Variants in ARMH3 observed in about 807,000 individuals in gnomAD.
ARMH3 encodes armadillo-like helical domain-containing protein 3.
In ARMH3, 60 loss-of-function variants were observed where a neutral mutation model predicts 99.1. The ratio of observed to expected loss-of-function variants is 0.61; its 90% confidence interval spans 0.49 to 0.75. ARMH3 has a LOEUF of 0.75. Ranked by LOEUF, ARMH3 falls within the 30% of genes least tolerant of loss-of-function variation. The pLI is 0.00. For missense variants in ARMH3, 679 were observed against 843.1 expected (o/e 0.81, Z 2.41); for synonymous variants, 285 against 292.8 (o/e 0.97, Z 0.27).
chr10:101,864,644 C>T (rs2066956154), intron 24 of ARMH3, among the ~76,000 whole-genome samples: 2 of 152,200 alleles, frequency 1.3e-5, no homozygotes, highest in South Asian at 4.2e-4. Flanking sequence ...GTCTCAAGGA[C>T]AGAAAACCAA....
At chr10:101,985,967 A>G (rs557553781) in intron 19 of ARMH3, among the ~76,000 whole-genome samples, 41 of 152,100 alleles carry the variant, frequency 2.7e-4, no homozygotes, top group Non-Finnish European at 5.4e-4. Flanking sequence ...GCAGTGAGCC[A>G]AGATCATGCC....
chr10:101,873,129 C>A (rs1420421498), intron 24 of ARMH3, among the ~76,000 whole-genome samples: 1 of 150,336 alleles, frequency 6.7e-6, no homozygotes, highest in Non-Finnish European at 1.5e-5. Flanking sequence ...GCAGGCCGGG[C>A]ACAGTGGCTC....
At chr10:102,012,414 A>C (rs1564847817) in intron 10 of ARMH3, among the ~76,000 whole-genome samples, 1 of 152,234 alleles carries the variant, frequency 6.6e-6, no homozygotes, top group Non-Finnish European at 1.5e-5. Context: ...AACATCTGTC[A>C]AACTAGGGCT....
intron 20 of ARMH3, among the ~76,000 whole-genome samples, chr10:101,963,436 C>T (rs1483719002): frequency 1.3e-5 from 2 of 151,914 alleles, no homozygotes; most frequent in Non-Finnish European, 2.9e-5. Flanking sequence ...CGTGCCCAGC[C>T]ATTTTTGTAT....
At chr10:101,881,289 T>G (rs988914435) in intron 24 of ARMH3, among the ~76,000 whole-genome samples, 8 of 152,220 alleles carry the variant, frequency 5.3e-5, no homozygotes, top group South Asian at 2.1e-4. Context: ...CCAGAAAATT[T>G]CTAAATTTAT....
chr10:101,975,666 C>T (rs1845962107), intron 19 of ARMH3, among the ~76,000 whole-genome samples: 1 of 151,482 alleles, frequency 6.6e-6, no homozygotes, highest in African/African-American at 2.4e-5. Flanking sequence ...GAGTTTGAGA[C>T]AAGCTTGGCC....
intron 23 of ARMH3, among the ~76,000 whole-genome samples, chr10:101,911,839 C>G (rs1842879723): frequency 6.6e-6 from 1 of 151,956 alleles, no homozygotes; most frequent in African/African-American, 2.4e-5. Context: ...AGTTCTAGAC[C>G]AGCCTGGCCA....
chr10:101,999,988 CAGG>C (rs1323346673), intron 15 of ARMH3, among the ~76,000 whole-genome samples: 2 of 152,024 alleles, frequency 1.3e-5, no homozygotes, highest in African/African-American at 4.8e-5. Context: ...GAAGCTAAGG[CAGG>C]AGAATGGCTT....
chr10:102,036,141 C>G (rs543441793), intron 2 of ARMH3, among the ~76,000 whole-genome samples: 2 of 149,044 alleles, frequency 1.3e-5, no homozygotes, highest in African/African-American at 2.5e-5. Context: ...CCCGGCCAGC[C>G]GCCCCATCCG....
At chr10:101,987,873 A>G (rs1846584360) in intron 19 of ARMH3, among the ~76,000 whole-genome samples, 1 of 152,170 alleles carries the variant, frequency 6.6e-6, no homozygotes, top group Admixed American at 6.5e-5. Context: ...TCATCATCTT[A>G]TTTTAATAAA....
chr10:102,006,958 C>A (rs143817603), intron 13 of ARMH3, among the ~76,000 whole-genome samples: 123 of 151,694 alleles, frequency 8.1e-4, no homozygotes, highest in Middle Eastern at 3.4e-3. Context: ...GTCAGGAGAT[C>A]GAGACCATCC....
intron 24 of ARMH3, among the ~76,000 whole-genome samples, chr10:101,869,601 C>T (rs1159172947): frequency 6.6e-6 from 1 of 152,180 alleles, no homozygotes; most frequent in Non-Finnish European, 1.5e-5. Flanking sequence ...GAAAAATTTA[C>T]AGCTCTAACT....
At chr10:101,943,861 G>A (rs1018423615) in intron 22 of ARMH3, among the ~76,000 whole-genome samples, 1 of 151,360 alleles carries the variant, frequency 6.6e-6, no homozygotes, top group African/African-American at 2.4e-5. Flanking sequence ...TCAGGAGATC[G>A]AGACCATCCT....
chr10:102,054,757 A>G (rs1166127169), intron 1 of ARMH3, among the ~76,000 whole-genome samples: 1 of 152,098 alleles, frequency 6.6e-6, no homozygotes, highest in Non-Finnish European at 1.5e-5. Flanking sequence ...ACACTTTGGG[A>G]GATCGAGGTG....
chr10:102,027,230 G>C (rs1026548210), intron 5 of ARMH3, among the ~76,000 whole-genome samples: 10 of 144,798 alleles, frequency 6.9e-5, no homozygotes, highest in Non-Finnish European at 1.2e-4. Flanking sequence ...AGTGAGCCGA[G>C]ATTGCACCAC....
chr10:102,034,455 T>C (rs1288943835), intron 2 of ARMH3, among the ~76,000 whole-genome samples: 1 of 151,554 alleles, frequency 6.6e-6, no homozygotes, highest in Non-Finnish European at 1.5e-5. Flanking sequence ...GCTAACACGG[T>C]GACACCCCAT....
chr10:101,883,431 A>T (rs928168519), intron 24 of ARMH3, among the ~76,000 whole-genome samples: 1 of 152,042 alleles, frequency 6.6e-6, no homozygotes, highest in African/African-American at 2.4e-5. Flanking sequence ...AAAAATAATA[A>T]AAGTAAGAAT....
chr10:101,951,710 C>CA (rs897032657), intron 22 of ARMH3, among the ~76,000 whole-genome samples: 11 of 151,012 alleles, frequency 7.3e-5, no homozygotes, highest in African/African-American at 2.7e-4. Context: ...CTACTAAAAA[C>CA]AAAAAAAATT....
chr10:101,881,418 G>C (rs1348671417), intron 24 of ARMH3, among the ~76,000 whole-genome samples: 1 of 152,126 alleles, frequency 6.6e-6, no homozygotes, highest in Non-Finnish European at 1.5e-5. Flanking sequence ...GGGCAGCTGA[G>C]GGTTGGGGGG....
Sources: gnomAD v4.1 joint callset for allele counts (sites outside exome capture counted in the v4.1 genomes callset) on GRCh38, gnomAD v4.1.1 for gene constraint, MANE v1.5 for transcripts, NCBI Gene and HGNC (gene_info 2026-07-23, HGNC 2026-07-21) for gene names.